GRM7: variants seen among roughly 807,000 people sequenced by gnomAD.
GRM7 encodes the protein metabotropic glutamate receptor 7.
A neutral mutation model predicts 84.5 loss-of-function variants in GRM7; 35 were observed. The ratio of observed to expected loss-of-function variants is 0.41; its 90% confidence interval spans 0.32 to 0.55. The LOEUF (loss-of-function observed/expected upper bound fraction) is 0.55, where lower values mean the gene tolerates loss of function less well. Ranked by LOEUF, GRM7 falls within the 20% of genes least tolerant of loss-of-function variation. The pLI, the probability that GRM7 is intolerant of heterozygous loss-of-function variation, is 0.19. For synonymous variants in GRM7, 487 were observed against 455.1 expected (o/e 1.07, Z -0.89); for missense variants, 1,003 against 1,194.6 (o/e 0.84, Z 2.36).
chr3:7,720,211 G>C (rs531901538), intron 9 of GRM7, among the ~76,000 whole-genome samples: 2 of 152,254 alleles, frequency 1.3e-5, no homozygotes, highest in African/African-American at 4.8e-5. Flanking sequence ...GACATGAGCA[G>C]CCTCACCTTA....
intron 2 of GRM7, among the ~76,000 whole-genome samples, chr3:7,208,613 C>A (rs1438689760): frequency 6.6e-6 from 1 of 152,162 alleles, no homozygotes; most frequent in East Asian, 1.9e-4. Context: ...GTATAATAAA[C>A]ACTAGCTGAT....
intron 4 of GRM7, among the ~76,000 whole-genome samples, chr3:7,319,847 T>C (rs1393052478): frequency 6.6e-6 from 1 of 152,034 alleles, no homozygotes; most frequent in African/African-American, 2.4e-5. Flanking sequence ...TTAAACTTTT[T>C]CTTGAAGTAT....
chr3:7,024,349 G>C (rs1695894635), intron 1 of GRM7, among the ~76,000 whole-genome samples: 1 of 152,206 alleles, frequency 6.6e-6, no homozygotes, highest in South Asian at 2.1e-4. Flanking sequence ...ACCAAACCCA[G>C]TCAAACCAAC....
intron 8 of GRM7, among the ~76,000 whole-genome samples, chr3:7,633,617 T>A (rs1453231809): frequency 2.6e-5 from 4 of 152,122 alleles, no homozygotes; most frequent in African/African-American, 7.2e-5. Flanking sequence ...AGCCCTTCTA[T>A]CCTCCACTAC....
At chr3:7,271,085 C>A (rs1698835607) in intron 2 of GRM7, among the ~76,000 whole-genome samples, 1 of 151,978 alleles carries the variant, frequency 6.6e-6, no homozygotes, top group South Asian at 2.1e-4. Context: ...TAAAGAAATG[C>A]GAAGGCAGTA....
At chr3:7,470,767 T>C (rs968066007) in intron 7 of GRM7, among the ~76,000 whole-genome samples, 4 of 152,156 alleles carry the variant, frequency 2.6e-5, no homozygotes, top group African/African-American at 9.6e-5. Context: ...AGCTGGACTC[T>C]TGTAAGAGGG....
chr3:7,181,582 A>T (rs1462917746), intron 2 of GRM7, among the ~76,000 whole-genome samples: 2 of 152,148 alleles, frequency 1.3e-5, no homozygotes, highest in Non-Finnish European at 2.9e-5. Context: ...TTTTAGAAAC[A>T]CTATTGAATA....
chr3:6,913,123 A>G (rs551331443), intron 1 of GRM7, among the ~76,000 whole-genome samples: 31 of 152,166 alleles, frequency 2.0e-4, no homozygotes, highest in Non-Finnish European at 4.1e-4. Context: ...AAAGAAATAT[A>G]TCTTGTAACT....
At chr3:7,165,004 C>T (rs1166237704) in intron 2 of GRM7, among the ~76,000 whole-genome samples, 2 of 152,170 alleles carry the variant, frequency 1.3e-5, no homozygotes, top group African/African-American at 2.4e-5. Context: ...GTGTTTACTG[C>T]CCAGAAGCAC....
intron 1 of GRM7, among the ~76,000 whole-genome samples, chr3:6,918,961 A>G (rs1697030424): frequency 6.6e-6 from 1 of 152,186 alleles, no homozygotes; most frequent in South Asian, 2.1e-4. Flanking sequence ...AGCAGTGGAT[A>G]AATTATTACA....
chr3:7,291,819 C>G (rs1433401974), intron 2 of GRM7, among the ~76,000 whole-genome samples: 1 of 152,046 alleles, frequency 6.6e-6, no homozygotes, highest in Non-Finnish European at 1.5e-5. Context: ...GTGTTCCCAC[C>G]CAAATCTCCT....
intron 1 of GRM7, among the ~76,000 whole-genome samples, chr3:7,055,507 ATG>A (rs1032423701): frequency 5.5e-4 from 75 of 136,836 alleles, no homozygotes; most frequent in African/African-American, 2.3e-3. Flanking sequence ...GTGTGTGTGT[ATG>A]TATATATATA....
intron 2 of GRM7, among the ~76,000 whole-genome samples, chr3:7,166,532 G>T (rs1439839628): frequency 6.6e-6 from 1 of 152,174 alleles, no homozygotes; most frequent in Non-Finnish European, 1.5e-5. Context: ...CCAACTGGGA[G>T]ATTATTTTGG....
chr3:7,140,811 T>C (rs1181182088), intron 1 of GRM7, among the ~76,000 whole-genome samples: 4 of 152,042 alleles, frequency 2.6e-5, no homozygotes, highest in African/African-American at 4.8e-5. Context: ...TGGTGGTAGA[T>C]GGTGACACAG....
At chr3:6,908,978 A>T (rs1308254263) in intron 1 of GRM7, among the ~76,000 whole-genome samples, 1 of 152,130 alleles carries the variant, frequency 6.6e-6, no homozygotes, top group African/African-American at 2.4e-5. Flanking sequence ...TCGACATCAT[A>T]TATTATAATT....
chr3:7,348,483 AT>A (rs1463488238), intron 4 of GRM7, among the ~76,000 whole-genome samples: 2 of 152,056 alleles, frequency 1.3e-5, no homozygotes, highest in African/African-American at 4.8e-5. Context: ...TTCCTTATTC[AT>A]TTTCTCTCTC....
intron 7 of GRM7, among the ~76,000 whole-genome samples, chr3:7,468,892 G>C (rs811897): frequency 0.54 from 81,703 of 151,986 alleles, 22,836 homozygotes; most frequent in Middle Eastern, 0.68. Context: ...ATGTGGAACT[G>C]TGAGTCAATT....
At chr3:6,968,701 C>T (rs1487055456) in intron 1 of GRM7, among the ~76,000 whole-genome samples, 1 of 152,126 alleles carries the variant, frequency 6.6e-6, no homozygotes, top group Non-Finnish European at 1.5e-5. Flanking sequence ...GACTTTTGTG[C>T]TCCTTTGGGC....
intron 4 of GRM7, among the ~76,000 whole-genome samples, chr3:7,335,195 C>G (rs935222133): frequency 2.6e-5 from 4 of 152,056 alleles, no homozygotes; most frequent in African/African-American, 9.7e-5. Flanking sequence ...TTAAGATAAT[C>G]TAAATTTTAT....
Sources: allele counts gnomAD v4.1 joint callset (sites outside exome capture counted in the v4.1 genomes callset), GRCh38; gene constraint gnomAD v4.1.1; transcripts MANE v1.5; gene names NCBI Gene and HGNC (gene_info 2026-07-23, HGNC 2026-07-21).